The following SS18 variants were observed in gnomAD, a reference collection of about 807,000 sequenced individuals.
The protein encoded by SS18 is protein SSXT.
SS18 carries 28 observed loss-of-function variants against 72.5 expected under a neutral mutation model. That is an observed-to-expected ratio of 0.39 (90% confidence interval 0.29 to 0.53). The LOEUF (loss-of-function observed/expected upper bound fraction) is 0.53, where lower values mean the gene tolerates loss of function less well. Among genes scored for constraint, SS18 ranks in the 20% least tolerant of loss-of-function variants. The pLI, the probability that SS18 is intolerant of heterozygous loss-of-function variation, is 0.76. For synonymous variants in SS18, 172 were observed against 164.2 expected (o/e 1.05, Z -0.37); for missense variants, 518 against 535.3 (o/e 0.97, Z 0.32).
intron 4 of SS18, 85 bp from the exon 5 acceptor site, chr18:26,052,930 C>A: frequency 1.8e-6 from 2 of 1,095,666 alleles, no homozygotes; most frequent in Admixed American, 2.0e-5. Context: ...TTTTTTTTTG[C>A]ATTATTATAG....
At chr18:26,043,804 G>A (rs1216691260) in intron 5 of SS18, among the ~76,000 whole-genome samples, 1 of 151,980 alleles carries the variant, frequency 6.6e-6, no homozygotes, top group African/African-American at 2.4e-5. Context: ...ATGAAAAAAT[G>A]GAAACATGAT....
intron 5 of SS18, among the ~76,000 whole-genome samples, chr18:26,050,000 ACTTCGGG>A (rs2053892865): frequency 2.0e-5 from 3 of 152,358 alleles, no homozygotes; most frequent in Non-Finnish European, 2.9e-5. Flanking sequence ...TAATCCCAAC[ACTTCGGG>A]AGGCTGAGGT....
chr18:26,019,752 A>G (rs1350125704), intron 10 of SS18, among the ~76,000 whole-genome samples: 2 of 133,398 alleles, frequency 1.5e-5, no homozygotes. Context: ...CGGAGGTTGC[A>G]CTGCACTCTA....
At chr18:26,069,507 T>TAAA (rs11329781) in intron 3 of SS18, among the ~76,000 whole-genome samples, 1 of 85,992 alleles carries the variant, frequency 1.2e-5, no homozygotes, top group Non-Finnish European at 3.0e-5. Flanking sequence ...CCTACCAAAG[T>TAAA]AAAAAAAAAA....
At chr18:26,033,110 T>A (rs1428070135) in intron 9 of SS18, among the ~76,000 whole-genome samples, 1 of 152,224 alleles carries the variant, frequency 6.6e-6, no homozygotes, top group Non-Finnish European at 1.5e-5. Flanking sequence ...GATTCAAAAG[T>A]CACACTGAGA....
chr18:26,038,334 A>G (rs1389009383), intron 7 of SS18, among the ~76,000 whole-genome samples: 1 of 152,224 alleles, frequency 6.6e-6, no homozygotes, highest in Admixed American at 6.5e-5. Context: ...TTCCAATGAC[A>G]GACTGTGATT....
chr18:26,043,841 C>T (rs751597054), intron 5 of SS18, among the ~76,000 whole-genome samples: 15 of 152,044 alleles, frequency 9.9e-5, no homozygotes, highest in Admixed American at 2.0e-4. Flanking sequence ...AACAACAGCT[C>T]ATTAAAAGAT....
intron 5 of SS18, among the ~76,000 whole-genome samples, chr18:26,047,920 T>A (rs923962277): frequency 6.6e-6 from 1 of 152,174 alleles, no homozygotes; most frequent in Non-Finnish European, 1.5e-5. Context: ...CATGTGAAAT[T>A]CACATAAGGC....
intron 3 of SS18, among the ~76,000 whole-genome samples, chr18:26,072,281 A>G (rs2054323795): frequency 6.6e-6 from 1 of 152,032 alleles, no homozygotes; most frequent in South Asian, 2.1e-4. Context: ...GGAATAATAA[A>G]AAACAAATTA....
At chr18:26,086,409 A>G (rs959717530) in intron 2 of SS18, among the ~76,000 whole-genome samples, 1 of 152,256 alleles carries the variant, frequency 6.6e-6, no homozygotes, top group Non-Finnish European at 1.5e-5. Context: ...TCCAAGATTT[A>G]GAACAACAAA....
Position 26,052,774 on chromosome 18 carries a change from G to T in SS18, c.457C>A (p.Pro153Thr). The change falls in exon 5 of 11, where the codon CCT (proline) becomes ACT (threonine). Residue 153 changes from proline (P) to threonine (T), a missense_variant. Transcript: ENST00000415083. ...LNMTNSSMNMPSSSHGSMGGY... is the reference protein window; with the variant it reads ...LNMTNSSMNMTSSSHGSMGGY... ...CCCATGGATCCATGGCTACTTGAAG[G>T]CATATTCATGGAACTGTTTGTCATA... is the stretch of plus-strand genomic sequence containing the variant. 6.2e-7 allele frequency: 1 copy of T among 1,614,112 alleles called. No individual in the cohort carries two copies. Among genetic ancestry groups the T allele is most frequent in the South Asian group, 1.1e-5 (1 of 91,080 alleles).
Position 26,023,691 on chromosome 18 carries a change from A to G in SS18, c.1231-5311T>C, listed in dbSNP as rs1196603204. The stretch of plus-strand genomic sequence containing the variant: ...GGCAAAATAAACATTTTTTTCAGAC[A>G]TACAAAAGCTGATTATTACCAGTAC... On this transcript the variant is annotated intron_variant, in intron 10 of 10. Transcript: ENST00000415083. 8 of 521,928 alleles carry G rather than the reference A, an allele frequency of 1.5e-5. No individual in the cohort carries two copies. In the Admixed American group the frequency reaches 1.9e-4, roughly 13 times the overall value. 32.3% of individuals were successfully genotyped at this position (521,928 alleles called of 1,614,324 possible). A position where few individuals can be genotyped will look rare whatever the true frequency, so the allele number is the denominator to read the frequency against.
At chr18:26,072,405 C>T (rs2054327278) in intron 3 of SS18, among the ~76,000 whole-genome samples, 1 of 147,522 alleles carries the variant, frequency 6.8e-6, no homozygotes, top group South Asian at 2.1e-4. Context: ...TTATCTCTAA[C>T]ACAAGAAAAC....
rs143917527 is a variant in SS18, at chr18:26,033,426, C to T, written c.1097-894G>A. Among the ~76,000 whole-genome samples, 656 of 151,626 alleles carry T rather than the reference C, an allele frequency of 4.3e-3. 4 individuals are homozygous for T. Among genetic ancestry groups the T allele is most frequent in the African/African-American group, 0.014 (590 of 41,338 alleles). ...CTACTCGGGAGGTTGACAGGAGAAT[C>T]GCTTGAACCCGGGAAGCAGAGGTTG... On this transcript the variant is annotated intron_variant, in intron 9 of 10. Coordinates refer to ENST00000415083, the MANE Select transcript of SS18 (RefSeq NM_001007559.3).
intron 4 of SS18, among the ~76,000 whole-genome samples, chr18:26,055,334 G>T (rs886860102): frequency 2.0e-5 from 3 of 151,860 alleles, no homozygotes; most frequent in Admixed American, 1.3e-4. Flanking sequence ...AGGTGTGGTG[G>T]TGTGCGCCTG....
intron 3 of SS18, among the ~76,000 whole-genome samples, chr18:26,062,027 G>A (rs927924586): frequency 4.6e-5 from 7 of 152,156 alleles, no homozygotes; most frequent in Admixed American, 2.6e-4. Context: ...TTGGAAGGCC[G>A]AGGTGGGGGA....
intron 10 of SS18, among the ~76,000 whole-genome samples, chr18:26,026,185 G>T (rs913649275): frequency 6.6e-6 from 1 of 152,046 alleles, no homozygotes; most frequent in Non-Finnish European, 1.5e-5. Flanking sequence ...TTATAGAGGT[G>T]GGGGGTCTTG....
intron 5 of SS18, among the ~76,000 whole-genome samples, chr18:26,039,765 ACTAT>A (rs1226386038): frequency 5.3e-5 from 8 of 152,210 alleles, no homozygotes; most frequent in Admixed American, 3.9e-4. Flanking sequence ...TCCATTACAC[ACTAT>A]CTAATATTTA....
intron 7 of SS18, 34 bp downstream of exon 7, chr18:26,038,521 A>AG: frequency 6.4e-7 from 1 of 1,560,354 alleles, no homozygotes; most frequent in Non-Finnish European, 8.8e-7. Context: ...AGGCAGGGAT[A>AG]GAAAATGGGA....
Sources: allele counts gnomAD v4.1 joint callset (sites outside exome capture counted in the v4.1 genomes callset), GRCh38; gene constraint gnomAD v4.1.1; transcripts MANE v1.5; gene names NCBI Gene and HGNC (gene_info 2026-07-23, HGNC 2026-07-21).